LDLRAD3: variants seen among roughly 807,000 people sequenced by gnomAD.
LDLRAD3 encodes the protein low density lipoprotein receptor class A domain containing 3.
A neutral mutation model predicts 29.4 loss-of-function variants in LDLRAD3; 20 were observed. That is an observed-to-expected ratio of 0.68 (90% CI 0.48 to 0.99). The LOEUF is 0.99. LDLRAD3 is among the 50% of genes least tolerant of loss of function. The pLI is 0.00. For synonymous variants in LDLRAD3, 157 were observed against 192.7 expected (o/e 0.81, Z 1.53); for missense variants, 420 against 454.3 (o/e 0.92, Z 0.69).
intron 4 of LDLRAD3, among the ~76,000 whole-genome samples, chr11:36,142,579 G>A (rs1219842065): frequency 6.6e-6 from 1 of 152,112 alleles, no homozygotes; most frequent in Non-Finnish European, 1.5e-5. Context: ...CCCACTGTCT[G>A]GTTCCCGCCC....
chr11:35,973,822 C>T (rs1440170962), intron 1 of LDLRAD3, among the ~76,000 whole-genome samples: 1 of 152,114 alleles, frequency 6.6e-6, no homozygotes, highest in Non-Finnish European at 1.5e-5. Context: ...AGAGGCTGCA[C>T]CAGTATACTC....
intron 1 of LDLRAD3, among the ~76,000 whole-genome samples, chr11:35,989,165 A>G (rs2133165153): frequency 6.6e-6 from 1 of 152,250 alleles, no homozygotes; most frequent in South Asian, 2.1e-4. Context: ...CGACTTTGTA[A>G]AAGATCAGAT....
intron 4 of LDLRAD3, among the ~76,000 whole-genome samples, chr11:36,207,331 C>A (rs1258168297): frequency 6.6e-6 from 1 of 152,104 alleles, no homozygotes; most frequent in Non-Finnish European, 1.5e-5. Flanking sequence ...CCTTTGATAA[C>A]CTGGTATTGG....
chr11:36,133,034 G>T (rs1356738766), intron 4 of LDLRAD3, among the ~76,000 whole-genome samples: 1 of 152,166 alleles, frequency 6.6e-6, no homozygotes, highest in Non-Finnish European at 1.5e-5. Flanking sequence ...ACAGCCTCTT[G>T]TCTAGTGTTT....
intron 4 of LDLRAD3, among the ~76,000 whole-genome samples, chr11:36,125,451 G>T (rs547611395): frequency 2.1e-4 from 32 of 152,148 alleles, no homozygotes; most frequent in Non-Finnish European, 3.1e-4. Flanking sequence ...TGCCTAATAC[G>T]CAGCAAGCAG....
chr11:36,034,999 C>T (rs895071617), intron 1 of LDLRAD3, among the ~76,000 whole-genome samples: 2 of 152,168 alleles, frequency 1.3e-5, no homozygotes, highest in African/African-American at 4.8e-5. Context: ...CGGGTCTAGA[C>T]ATCCCTGTTC....
At chr11:36,195,267 G>T (rs1855015171) in intron 4 of LDLRAD3, among the ~76,000 whole-genome samples, 2 of 138,060 alleles carry the variant, frequency 1.4e-5, no homozygotes, top group Admixed American at 1.5e-4. Flanking sequence ...TGTTGAGCCA[G>T]CAGGGAAAGT....
chr11:36,075,501 C>T (rs539293075), intron 2 of LDLRAD3, among the ~76,000 whole-genome samples: 1 of 152,282 alleles, frequency 6.6e-6, no homozygotes, highest in African/African-American at 2.4e-5. Context: ...AGTTTCTCCA[C>T]TGTCAAGTTA....
chr11:36,047,830 G>T (rs1427701499), intron 2 of LDLRAD3, among the ~76,000 whole-genome samples: 1 of 152,148 alleles, frequency 6.6e-6, no homozygotes, highest in Non-Finnish European at 1.5e-5. Flanking sequence ...TCAAACAGCA[G>T]CTGGCACAGA....
In LDLRAD3 at chr11:36,204,721, TC is replaced by T. The variant is rs1390252208; in HGVS notation, c.455-22363del. On this transcript the variant is annotated intron_variant, in intron 4 of 5. Transcript: ENST00000315571. ...CCAGGCTGGTCTTGAACTCCTGACT[TC>T]AGGTAATCCACCTGCCTCGGCTTCC... Among the ~76,000 whole-genome samples the T allele has an allele frequency of 9.2e-5, 14 of 152,330 alleles. No homozygotes were observed. In the East Asian group the frequency reaches 1.5e-3, roughly 17 times the overall value.
At chr11:36,080,851 T>C (rs2133256702) in intron 2 of LDLRAD3, among the ~76,000 whole-genome samples, 1 of 152,310 alleles carries the variant, frequency 6.6e-6, no homozygotes, top group African/African-American at 2.4e-5. Context: ...TGAGTTGTAA[T>C]GTAACAACAT....
intron 4 of LDLRAD3, among the ~76,000 whole-genome samples, chr11:36,118,462 CAT>C (rs57387763): frequency 0.021 from 3,204 of 151,726 alleles, 127 homozygotes; most frequent in African/African-American, 0.072. Context: ...ATTTGACACA[CAT>C]GTCTCCAAAC....
chr11:36,044,865 G>T (rs956052633), intron 2 of LDLRAD3, among the ~76,000 whole-genome samples: 4 of 152,214 alleles, frequency 2.6e-5, no homozygotes, highest in Non-Finnish European at 4.4e-5. Flanking sequence ...GCTGCCATCC[G>T]CTGTTCTCAG....
At chr11:36,128,865 A>G (rs572767715) in intron 4 of LDLRAD3, among the ~76,000 whole-genome samples, 147 of 146,390 alleles carry the variant, frequency 1.0e-3, no homozygotes, top group African/African-American at 3.2e-3. Flanking sequence ...AAAAAAAAAA[A>G]AGAGAGAAAA....
chr11:36,151,276 T>C (rs1050981485), intron 4 of LDLRAD3, among the ~76,000 whole-genome samples: 6 of 152,062 alleles, frequency 3.9e-5, no homozygotes, highest in African/African-American at 1.4e-4. Context: ...AGCTACTGTG[T>C]ATTGAGCACT....
chr11:35,993,192 G>A (rs1248908378), intron 1 of LDLRAD3, among the ~76,000 whole-genome samples: 2 of 152,094 alleles, frequency 1.3e-5, no homozygotes, highest in Admixed American at 1.3e-4. Context: ...TAAGAGGTTG[G>A]GTAGTGTTTA....
intron 4 of LDLRAD3, among the ~76,000 whole-genome samples, chr11:36,137,048 A>G (rs1394078911): frequency 6.6e-6 from 1 of 152,180 alleles, no homozygotes; most frequent in African/African-American, 2.4e-5. Context: ...CAATGCAAGA[A>G]CAGCCTAACA....
intron 4 of LDLRAD3, among the ~76,000 whole-genome samples, chr11:36,186,698 T>C (rs1854854414): frequency 6.6e-6 from 1 of 152,180 alleles, no homozygotes; most frequent in Non-Finnish European, 1.5e-5. Context: ...GGATGGGGTA[T>C]GAATCCCATA....
At chr11:36,151,411 A>G (rs1454076077) in intron 4 of LDLRAD3, among the ~76,000 whole-genome samples, 1 of 152,168 alleles carries the variant, frequency 6.6e-6, no homozygotes, top group East Asian at 1.9e-4. Context: ...CAAGACCTTC[A>G]TATAGATAAT....
Sources: gnomAD v4.1 joint callset for allele counts (sites outside exome capture counted in the v4.1 genomes callset) on GRCh38, gnomAD v4.1.1 for gene constraint, MANE v1.5 for transcripts, NCBI Gene and HGNC (gene_info 2026-07-23, HGNC 2026-07-21) for gene names.